Variants in PKD1L3 observed in about 807,000 individuals in gnomAD.
The protein encoded by PKD1L3 is polycystin 1 like 3, transient receptor potential channel interacting, also known as polycystin-1-like protein 3.
A neutral mutation model predicts 184.1 loss-of-function variants in PKD1L3; 239 were observed. That is an observed-to-expected ratio of 1.30 (90% CI 1.17 to 1.45). PKD1L3 has a LOEUF of 1.45. PKD1L3 is among the 40% of genes most tolerant of loss of function. The pLI is 0.00. For missense variants in PKD1L3, 2,660 were observed against 2,067.2 expected (o/e 1.29, Z -5.56); for synonymous variants, 996 against 778.8 (o/e 1.28, Z -4.64).
chr16:71,946,907 G>A (rs375046234), intron 22 of PKD1L3, among the ~76,000 whole-genome samples: 1 of 56,022 alleles, frequency 1.8e-5, no homozygotes, highest in African/African-American at 5.5e-5. Context: ...AGAGGGAGGG[G>A]GAGAGAGAGA....
At chr16:71,978,747 C>A (rs2040034906) in intron 9 of PKD1L3, among the ~76,000 whole-genome samples, 1 of 151,714 alleles carries the variant, frequency 6.6e-6, no homozygotes, top group Non-Finnish European at 1.5e-5. Context: ...GCTATGTTGG[C>A]CACGCTGGTC....
At chr16:71,977,577 T>TGAGA in intron 10 of PKD1L3, 110 bp from the exon 11 acceptor site, 1 of 879,200 alleles carries the variant, frequency 1.1e-6, no homozygotes, top group Non-Finnish European at 1.7e-6. Flanking sequence ...TTTTTTTTTT[T>TGAGA]TTTGAGATGG....
intron 5 of PKD1L3, among the ~76,000 whole-genome samples, chr16:71,985,489 G>A (rs1049682795): frequency 1.3e-5 from 2 of 152,120 alleles, no homozygotes; most frequent in African/African-American, 4.8e-5. Flanking sequence ...CACAATCATG[G>A]CTCACTGCAG....
intron 2 of PKD1L3, among the ~76,000 whole-genome samples, chr16:71,993,798 C>A (rs1020419153): frequency 1.3e-5 from 2 of 151,872 alleles, no homozygotes; most frequent in African/African-American, 2.4e-5. Context: ...TTTTTTGAGA[C>A]AATTTTTGCT....
At chr16:71,982,620 G>A (rs71386944) in intron 6 of PKD1L3, among the ~76,000 whole-genome samples, 13,358 of 151,944 alleles carry the variant, frequency 0.088, 802 homozygotes, top group Non-Finnish European at 0.13. Flanking sequence ...TTTAAGAGAT[G>A]GGGTCTTGCT....
chr16:71,933,567 C>G, intron 27 of PKD1L3, 46 bp from the exon 28 acceptor site: 1 of 1,368,172 alleles, frequency 7.3e-7, no homozygotes, highest in Non-Finnish European at 1.0e-6. Context: ...GAGCGCACAT[C>G]TTTCTATCCT....
At chr16:71,938,258 G>C (rs182460250) in intron 24 of PKD1L3, among the ~76,000 whole-genome samples, 5 of 152,252 alleles carry the variant, frequency 3.3e-5, no homozygotes. Flanking sequence ...GTGTGTGTGC[G>C]CTTGGGGCAG....
rs538514628 is a variant in PKD1L3 at position 71,963,208 on chromosome 16, A to C, written c.2609T>G (p.Phe870Cys). ...AATAGTAATTTTCCAACAGTACCTAAAGGAAAAGAGCTCTCTCTTTGAAAC... is the reference window on the plus strand; with the variant it reads ...AATAGTAATTTTCCAACAGTACCTACAGGAAAAGAGCTCTCTCTTTGAAAC... The part of the protein sequence containing the change: ...IPVSKRELFS[F>C]RHLFSSMIVE... The change falls in exon 16 of 30, where the codon TTT becomes TGT. Residue 870 changes from phenylalanine to cysteine, a missense_variant. Physicochemically the swap from Phe to Cys is radical, Grantham distance 205. Coordinates refer to ENST00000620267, the MANE Select transcript of PKD1L3 (RefSeq NM_181536.2). The C allele has an allele frequency of 1.3e-6, 2 of 1,548,716 alleles. No individual in the cohort carries two copies. Among genetic ancestry groups the C allele is most frequent in the East Asian group, 2.4e-5 (1 of 40,846 alleles).
rs1419018584 is a variant in PKD1L3 at position 71,986,233 on chromosome 16, C to G, written c.822G>C (p.Lys274Asn). 1 of 1,552,188 alleles carries G rather than the reference C, an allele frequency of 6.4e-7. No individual in the cohort carries two copies. The highest frequency in any genetic ancestry group is 1.2e-5 in the South Asian group (1 of 84,044). ...FTSYLQVSLQ[K>N]ASGQVIDEIA... Reference sequence around the variant, plus strand: ...TTCCCATGTTTACCTGACCAGATGCCTTCTGCAATGACACTTGTAGATAAG... The same window carrying G: ...TTCCCATGTTTACCTGACCAGATGCGTTCTGCAATGACACTTGTAGATAAG... Residue 274 changes from lysine to asparagine, a missense_variant, in exon 5 of 30, where the codon AAG becomes AAC. By Grantham distance (94) the Lys-to-Asn change is moderately conservative (BLOSUM62 0). Transcript: ENST00000620267.
At chr16:71,978,833 C>A (rs1253627225) in intron 9 of PKD1L3, among the ~76,000 whole-genome samples, 2 of 152,038 alleles carry the variant, frequency 1.3e-5, no homozygotes, top group African/African-American at 4.8e-5. Context: ...AGCTATCATG[C>A]CCAGCCGGAT....
At chr16:71,944,300 G>A in intron 22 of PKD1L3, 130 bp from the exon 23 acceptor site, 2 of 892,252 alleles carry the variant, frequency 2.2e-6, no homozygotes, top group East Asian at 2.7e-5. Context: ...CCTATGCAGT[G>A]CTTCTTAAAC....
intron 28 of PKD1L3, among the ~76,000 whole-genome samples, chr16:71,932,419 C>T (rs181679272): frequency 1.8e-4 from 28 of 152,258 alleles, no homozygotes; most frequent in African/African-American, 6.3e-4. Context: ...ATTAACTCAA[C>T]AGAAATAACG....
chr16:71,972,665 C>G (rs73578398), intron 12 of PKD1L3, among the ~76,000 whole-genome samples: 9,898 of 152,072 alleles, frequency 0.065, 1,086 homozygotes, highest in African/African-American at 0.22. Flanking sequence ...GCCTGAGGGA[C>G]AGAATGAGAT....
chr16:71,945,371 C>G (rs1305061933), intron 22 of PKD1L3, among the ~76,000 whole-genome samples: 1 of 57,274 alleles, frequency 1.7e-5, no homozygotes, highest in African/African-American at 6.7e-5. Flanking sequence ...TATATACACA[C>G]ACGCACACAC....
At chr16:71,941,748 G>A (rs1456491223) in intron 24 of PKD1L3, among the ~76,000 whole-genome samples, 2 of 151,482 alleles carry the variant, frequency 1.3e-5, no homozygotes, top group African/African-American at 4.9e-5. Context: ...CCATGCCTGG[G>A]TAATTTTTGT....
intron 15 of PKD1L3, among the ~76,000 whole-genome samples, chr16:71,964,849 A>G (rs971286852): frequency 4.0e-4 from 55 of 137,612 alleles, no homozygotes; most frequent in Non-Finnish European, 2.5e-4. Flanking sequence ...ATATATATGT[A>G]TTTTTTTTTT....
chr16:71,946,922 G>C (rs1394668727), intron 22 of PKD1L3, among the ~76,000 whole-genome samples: 50 of 144,824 alleles, frequency 3.5e-4, no homozygotes, highest in African/African-American at 1.1e-3. Context: ...GAGAGAGAGA[G>C]AAAGGGAGAG....
chr16:71,971,429 T>C (rs1254834386), intron 12 of PKD1L3, among the ~76,000 whole-genome samples: 1 of 152,218 alleles, frequency 6.6e-6, no homozygotes, highest in Non-Finnish European at 1.5e-5. Context: ...CTTCTTTCCA[T>C]GGCACAGAAT....
intron 9 of PKD1L3, among the ~76,000 whole-genome samples, chr16:71,978,759 C>T (rs764837247): frequency 5.5e-4 from 83 of 151,896 alleles, no homozygotes; most frequent in Middle Eastern, 6.8e-3. Flanking sequence ...ACGCTGGTCT[C>T]GAACTCCTGG....
Sources: allele counts gnomAD v4.1 joint callset (sites outside exome capture counted in the v4.1 genomes callset), GRCh38; gene constraint gnomAD v4.1.1; transcripts MANE v1.5; gene names NCBI Gene and HGNC (gene_info 2026-07-23, HGNC 2026-07-21).